Variants in HIVEP3 observed in about 807,000 individuals in gnomAD.
HIVEP3 encodes the protein HIVEP zinc finger 3.
HIVEP3 carries 49 observed loss-of-function variants against 152.8 expected under a neutral mutation model. That is an observed-to-expected ratio of 0.32 (90% CI 0.26 to 0.41). HIVEP3 has a LOEUF of 0.41. HIVEP3 is among the 10% of genes least tolerant of loss of function. The pLI is 1.00. For synonymous variants in HIVEP3, 1,269 were observed against 1,289.0 expected (o/e 0.98, Z 0.33); for missense variants, 2,790 against 3,103.3 (o/e 0.90, Z 2.40).
intron 5 of HIVEP3, among the ~76,000 whole-genome samples, chr1:41,548,314 AG>A (rs1490227866): frequency 6.6e-6 from 1 of 152,192 alleles, no homozygotes; most frequent in African/African-American, 2.4e-5. Flanking sequence ...AGGGATTCAC[AG>A]GGGCATTAAG....
At chr1:41,925,465 G>A (rs1235074444) in intron 1 of HIVEP3, among the ~76,000 whole-genome samples, 2 of 152,148 alleles carry the variant, frequency 1.3e-5, no homozygotes, top group Non-Finnish European at 2.9e-5. Flanking sequence ...TTTATTAAGT[G>A]GAAGTGAATC....
intron 1 of HIVEP3, among the ~76,000 whole-genome samples, chr1:41,825,427 C>A (rs1032358797): frequency 2.0e-5 from 3 of 152,020 alleles, no homozygotes; most frequent in Non-Finnish European, 4.4e-5. Context: ...CTCGCCACCA[C>A]GCCCAGCTAA....
At chr1:41,557,740 G>A (rs765216618) in intron 5 of HIVEP3, among the ~76,000 whole-genome samples, 2 of 152,172 alleles carry the variant, frequency 1.3e-5, no homozygotes, top group Non-Finnish European at 2.9e-5. Flanking sequence ...AGGGTGTGCC[G>A]GGCACCCAGG....
chr1:41,813,306 C>G (rs989172351), intron 1 of HIVEP3, among the ~76,000 whole-genome samples: 1 of 152,184 alleles, frequency 6.6e-6, no homozygotes, highest in Non-Finnish European at 1.5e-5. Context: ...ACAGCCTCCA[C>G]CAGCAGGAGC....
chr1:41,541,658 TG>T (rs1192714013), intron 5 of HIVEP3, among the ~76,000 whole-genome samples: 1 of 152,196 alleles, frequency 6.6e-6, no homozygotes, highest in East Asian at 1.9e-4. Flanking sequence ...ACCTTTTCTA[TG>T]GGCAGTAGAA....
At chr1:41,839,349 C>T (rs1643218297) in intron 1 of HIVEP3, among the ~76,000 whole-genome samples, 1 of 152,178 alleles carries the variant, frequency 6.6e-6, no homozygotes, top group Non-Finnish European at 1.5e-5. Flanking sequence ...AGACCATTGT[C>T]CCGATGATTG....
chr1:41,603,327 C>T (rs901857066), intron 3 of HIVEP3, among the ~76,000 whole-genome samples: 4 of 151,940 alleles, frequency 2.6e-5, no homozygotes, highest in African/African-American at 7.3e-5. Flanking sequence ...CTCGGCCTCC[C>T]AAAGCGCTGG....
intron 1 of HIVEP3, among the ~76,000 whole-genome samples, chr1:41,801,605 C>A (rs562337985): frequency 3.0e-4 from 46 of 152,058 alleles, no homozygotes; most frequent in Non-Finnish European, 5.4e-4. Flanking sequence ...ATCAGCTGGG[C>A]ATGGCAGCAT....
intron 6 of HIVEP3, 115 bp downstream of exon 6, chr1:41,524,620 G>C: frequency 1.0e-6 from 1 of 966,358 alleles, no homozygotes; most frequent in Non-Finnish European, 1.6e-6. Flanking sequence ...CCAGGAAATG[G>C]GGCTGCTCCA....
chr1:41,993,879 T>C (rs1645378940), intron 1 of HIVEP3, among the ~76,000 whole-genome samples: 1 of 151,860 alleles, frequency 6.6e-6, no homozygotes, highest in Admixed American at 6.6e-5. Flanking sequence ...AAATCATCAT[T>C]CTCAATAAAC....
chr1:41,945,702 T>A (rs1420637201), intron 1 of HIVEP3, among the ~76,000 whole-genome samples: 1 of 152,132 alleles, frequency 6.6e-6, no homozygotes, highest in African/African-American at 2.4e-5. Flanking sequence ...CTAACTTGCA[T>A]GCTAGAAGGA....
intron 2 of HIVEP3, among the ~76,000 whole-genome samples, chr1:41,666,395 G>A (rs1384806307): frequency 2.0e-5 from 3 of 152,132 alleles, no homozygotes; most frequent in Non-Finnish European, 4.4e-5. Context: ...CTGGGTTCAG[G>A]CTCCAGCCCC....
intron 1 of HIVEP3, among the ~76,000 whole-genome samples, chr1:41,947,011 G>A (rs1645078769): frequency 6.6e-6 from 1 of 152,128 alleles, no homozygotes; most frequent in Non-Finnish European, 1.5e-5. Context: ...AAATACCAGA[G>A]GAAACAGAGT....
In HIVEP3 at chr1:41,791,502, T is replaced by C. The variant is rs1023141222; in HGVS notation, c.-800-90507A>G. 5.9e-5 allele frequency among the ~76,000 whole-genome samples: 9 copies of C among 152,132 alleles called. 1 individual carries two copies. Among genetic ancestry groups the C allele is most frequent in the Admixed American group, 2.0e-4 (3 of 15,280 alleles). On this transcript the variant is annotated intron_variant, in intron 1 of 8. Transcript: ENST00000372583. Reference sequence around the variant, plus strand: ...CACCTTTTTCTAGTTTTTTTATATATAATGGATGTGATGGCTGGTGCTCCA... The same window carrying C: ...CACCTTTTTCTAGTTTTTTTATATACAATGGATGTGATGGCTGGTGCTCCA...
rs1460503468 is a variant in HIVEP3, at chr1:41,583,088, G to C, written c.1710C>G (p.Ser570=). The change falls in exon 4 of 9, where the codon TCC becomes TCG. Residue 570 remains serine, a synonymous_variant. Transcript: ENST00000372583. This position sits in a 1 kb window ranked among gnomAD's most constrained non-coding sequence, Gnocchi z 6.9. ...SYSFDDHITD[S]EALSHSSHVF... is the part of the protein sequence containing the mutation. ...CGTGACTGCTGTGGCTCAGGGCTTCGGAGTCGGTGATATGGTCATCGAAGG... is the reference window on the plus strand; with the variant it reads ...CGTGACTGCTGTGGCTCAGGGCTTCCGAGTCGGTGATATGGTCATCGAAGG... 1 of 1,613,746 alleles carries C rather than the reference G, an allele frequency of 6.2e-7. No homozygotes were observed. The highest frequency in any genetic ancestry group is 1.7e-5 in the Admixed American group (1 of 59,990).
chr1:41,980,758 C>T (rs546233039), intron 1 of HIVEP3, among the ~76,000 whole-genome samples: 1 of 152,248 alleles, frequency 6.6e-6, no homozygotes, highest in Admixed American at 6.5e-5. Flanking sequence ...GCCATGGGCT[C>T]GAGCTGTTTG....
intron 1 of HIVEP3, among the ~76,000 whole-genome samples, chr1:41,970,968 C>T (rs1645225399): frequency 6.6e-6 from 1 of 152,132 alleles, no homozygotes; most frequent in African/African-American, 2.4e-5. Flanking sequence ...GCCTCCAGAA[C>T]TGTGAGACAA....
chr1:41,538,849 G>A (rs1643461895), intron 5 of HIVEP3, among the ~76,000 whole-genome samples: 3 of 152,066 alleles, frequency 2.0e-5, no homozygotes, highest in Non-Finnish European at 2.9e-5. Context: ...GCGAACATTA[G>A]GTGGAGTTGC....
chr1:41,717,993 G>A (rs1444072514), intron 1 of HIVEP3, among the ~76,000 whole-genome samples: 1 of 152,182 alleles, frequency 6.6e-6, no homozygotes, highest in African/African-American at 2.4e-5. Context: ...CAGAGATTAT[G>A]GGGATCATGG....
Sources: allele counts gnomAD v4.1 joint callset (sites outside exome capture counted in the v4.1 genomes callset), GRCh38; gene constraint gnomAD v4.1.1; non-coding constraint Gnocchi (gnomAD v3.1); transcripts MANE v1.5; gene names NCBI Gene and HGNC (gene_info 2026-07-23, HGNC 2026-07-21).